Variants in COLEC10 observed in about 807,000 individuals in gnomAD.
COLEC10 encodes the protein collectin-10.
A neutral mutation model predicts 28.4 loss-of-function variants in COLEC10; 22 were observed. That is an observed-to-expected ratio of 0.78 (90% CI 0.55 to 1.11). The LOEUF is 1.11. COLEC10 is among the 50% of genes least tolerant of loss of function. COLEC10 has a pLI of 0.00. For synonymous variants in COLEC10, 125 were observed against 116.1 expected (o/e 1.08, Z -0.49); for missense variants, 361 against 344.1 (o/e 1.05, Z -0.39).
chr8:119,002,014 T>G (rs1273910205), intron 1 of COLEC10, among the ~76,000 whole-genome samples: 2 of 152,308 alleles, frequency 1.3e-5, no homozygotes, highest in East Asian at 3.9e-4. Flanking sequence ...GCTCTATTTC[T>G]GTGTCTTAAA....
intron 1 of COLEC10, among the ~76,000 whole-genome samples, chr8:119,076,668 C>T (rs1815244571): frequency 6.6e-6 from 1 of 152,172 alleles, no homozygotes. Context: ...AGTGTATGTG[C>T]AAGACATTGT....
chr8:119,000,340 T>G (rs1813670717), intron 1 of COLEC10, among the ~76,000 whole-genome samples: 1 of 152,180 alleles, frequency 6.6e-6, no homozygotes, highest in South Asian at 2.1e-4. Flanking sequence ...GTGATAGGAT[T>G]ATATGGCATT....
the COLEC10 span, among the ~76,000 whole-genome samples, chr8:118,961,613 C>T: frequency 6.6e-6 from 1 of 152,170 alleles, no homozygotes; most frequent in African/African-American, 2.4e-5. Flanking sequence ...CCACCCATCT[C>T]TTACTCTTTT....
chr8:119,063,840 A>G (rs886121556), upstream of COLEC10, among the ~76,000 whole-genome samples: 14 of 152,074 alleles, frequency 9.2e-5, no homozygotes, highest in Middle Eastern at 3.2e-3. Context: ...TGGAATTCCA[A>G]TATCTTGGGA....
the COLEC10 span, among the ~76,000 whole-genome samples, chr8:118,957,181 C>T: frequency 1.3e-5 from 2 of 152,306 alleles, no homozygotes; most frequent in African/African-American, 2.4e-5. Flanking sequence ...TTAGTATATA[C>T]TGATGCCAAG....
chr8:119,067,126 A>G (rs1814980066), upstream of COLEC10: 8 of 659,406 alleles, frequency 1.2e-5, no homozygotes, highest in Admixed American at 2.1e-4. Context: ...CTGAGAAAAT[A>G]AACAACCTAG....
chr8:119,084,757 T>TA (rs1330122745), intron 1 of COLEC10, among the ~76,000 whole-genome samples: 1 of 152,186 alleles, frequency 6.6e-6, no homozygotes. Context: ...TTTACTTTTT[T>TA]AAAAAATATA....
intron 1 of COLEC10, among the ~76,000 whole-genome samples, chr8:119,004,895 A>ATCG (rs1322348926): frequency 2.6e-5 from 4 of 151,350 alleles, no homozygotes; most frequent in Admixed American, 6.6e-5. Context: ...GTTTCCTATC[A>ATCG]TCTTTCACCT....
At chr8:118,976,589 C>T in the COLEC10 span, 2 of 152,292 alleles carry the variant, frequency 1.3e-5, no homozygotes, top group Non-Finnish European at 2.9e-5. Context: ...GCAAGGATGA[C>T]ACGCAAATTC....
At chr8:119,033,693 C>A (rs527784463) in intron 2 of COLEC10, among the ~76,000 whole-genome samples, 3 of 152,252 alleles carry the variant, frequency 2.0e-5, no homozygotes, top group Admixed American at 6.5e-5. Context: ...CAATGAGATA[C>A]CATTTCATGC....
At chr8:119,103,929 T>C in intron 5 of COLEC10, 34 bp downstream of exon 5, 5 of 1,304,820 alleles carry the variant, frequency 3.8e-6, no homozygotes, top group Non-Finnish European at 4.5e-6. Context: ...ATGTATCTAT[T>C]GATAGATCTC....
intron 1 of COLEC10, among the ~76,000 whole-genome samples, chr8:119,004,771 C>A (rs1176116413): frequency 6.6e-6 from 1 of 151,746 alleles, no homozygotes; most frequent in Non-Finnish European, 1.5e-5. Flanking sequence ...TGGGAGTAAT[C>A]CTAGATTCCT....
chr8:118,970,746 T>C, the COLEC10 span, among the ~76,000 whole-genome samples: 1 of 151,916 alleles, frequency 6.6e-6, no homozygotes, highest in Non-Finnish European at 1.5e-5. Flanking sequence ...ACTTCATACT[T>C]TTTTGTCATA....
At chr8:118,964,263 T>C in the COLEC10 span, among the ~76,000 whole-genome samples, 2 of 152,200 alleles carry the variant, frequency 1.3e-5, no homozygotes, top group Non-Finnish European at 2.9e-5. Context: ...TGTATCTGCA[T>C]GCACTTTTAA....
At chr8:119,074,380 A>G (rs572137125) in intron 1 of COLEC10, among the ~76,000 whole-genome samples, 36 of 152,262 alleles carry the variant, frequency 2.4e-4, no homozygotes, top group African/African-American at 8.7e-4. Context: ...GTACCAAAAT[A>G]TCTCATGCAC....
At chr8:119,007,292 C>T (rs539623930) in intron 1 of COLEC10, among the ~76,000 whole-genome samples, 13 of 152,190 alleles carry the variant, frequency 8.5e-5, no homozygotes, top group Admixed American at 2.6e-4. Flanking sequence ...TTGGATAGAA[C>T]CTACATTAAA....
chr8:119,102,653 G>C (rs1815861054), intron 4 of COLEC10: 1 of 383,776 alleles, frequency 2.6e-6, no homozygotes, highest in East Asian at 4.6e-5. Flanking sequence ...CAGCCCATCA[G>C]GAAGCAGCCT....
chr8:119,051,303 T>C (rs2450083), intron 2 of COLEC10, among the ~76,000 whole-genome samples: 88,838 of 152,036 alleles, frequency 0.58, 27,019 homozygotes, highest in African/African-American at 0.76. Context: ...AGTGATAAAA[T>C]CACCAATATA....
At chr8:118,961,698 A>G in the COLEC10 span, among the ~76,000 whole-genome samples, 1 of 152,290 alleles carries the variant, frequency 6.6e-6, no homozygotes, top group African/African-American at 2.4e-5. Flanking sequence ...ATCTGCGTCA[A>G]AGTGGTGTTG....
Sources: gnomAD v4.1 joint callset for allele counts (sites outside exome capture counted in the v4.1 genomes callset) on GRCh38, gnomAD v4.1.1 for gene constraint, MANE v1.5 for transcripts, NCBI Gene and HGNC (gene_info 2026-07-23, HGNC 2026-07-21) for gene names.